RFX2: variants seen among roughly 807,000 people sequenced by gnomAD.
RFX2 encodes the protein DNA-binding protein RFX2.
In RFX2, 20 loss-of-function variants were observed where a neutral mutation model predicts 87.8. That is an observed-to-expected ratio of 0.23 (90% CI 0.16 to 0.33). RFX2 has a LOEUF of 0.33. Among genes scored for constraint, RFX2 ranks in the 10% least tolerant of loss-of-function variants. The pLI is 1.00. For missense variants in RFX2, 767 were observed against 1,012.3 expected (o/e 0.76, Z 3.29); for synonymous variants, 397 against 431.3 (o/e 0.92, Z 0.98).
chr19:6,092,113 G>C (rs1422931183), intron 1 of RFX2, among the ~76,000 whole-genome samples: 1 of 152,214 alleles, frequency 6.6e-6, no homozygotes, highest in Non-Finnish European at 1.5e-5. Flanking sequence ...TAGGAGAAAA[G>C]CTCAGATTAA....
rs1391637067 is a variant in RFX2, at chr19:6,016,946, A to G, written c.598-675T>C. 6.6e-6 allele frequency among the ~76,000 whole-genome samples: 1 copy of G among 152,230 alleles called. No homozygotes were observed. The highest frequency in any genetic ancestry group is 1.5e-5 in the Non-Finnish European group (1 of 68,044). On this transcript the variant is annotated intron_variant, in intron 6 of 17. Transcript: ENST00000303657. The surrounding 1 kb of genome is among the most constrained non-coding windows in gnomAD (Gnocchi z 5.4). The stretch of plus-strand genomic sequence containing the variant: ...GAATGGAGAGAAATTCTGTTGCTGA[A>G]CAGGAAGATTGAAGAAGACTCGGGG...
In RFX2 at chr19:6,020,336, A is replaced by G. The variant is rs1289333927; in HGVS notation, c.598-4065T>C. 1.3e-5 allele frequency: 2 copies of G among 152,236 alleles called. No individual in the cohort carries two copies. Among genetic ancestry groups the G allele is most frequent in the Admixed American group, 1.3e-4 (2 of 15,276 alleles). The allele number at this position is 152,236 out of a possible 1,614,324, so 9.4% of individuals were successfully genotyped here. A position where few individuals can be genotyped will look rare whatever the true frequency, so the allele number is the denominator to read the frequency against. ...CTTGGGTAATTACGTTGACATTGACACTAAAAGGATGCATAGTTGTCTTGA... is the reference window on the plus strand; with the variant it reads ...CTTGGGTAATTACGTTGACATTGACGCTAAAAGGATGCATAGTTGTCTTGA... On this transcript the variant is annotated intron_variant, in intron 6 of 17. Transcript: ENST00000303657. The surrounding 1 kb of genome is among the most constrained non-coding windows in gnomAD (Gnocchi z 5.3).
At chr19:6,077,631 G>A (rs567644126) in intron 1 of RFX2, among the ~76,000 whole-genome samples, 60 of 152,310 alleles carry the variant, frequency 3.9e-4, no homozygotes, top group African/African-American at 1.4e-3. Context: ...TCACAGCAGC[G>A]TTGTCCTAAT....
intron 1 of RFX2, chr19:6,073,370 A>C: frequency 7.6e-7 from 1 of 1,309,620 alleles, no homozygotes; most frequent in East Asian, 2.4e-5. Flanking sequence ...CCTGGTCCCC[A>C]GCGTCAAGGA....
Position 5,999,878 on chromosome 19 carries a change from G to A in RFX2, c.1859+1937C>T, listed in dbSNP as rs1219119116. 6.6e-6 allele frequency among the ~76,000 whole-genome samples: 1 copy of A among 152,146 alleles called. No individual in the cohort carries two copies. Among genetic ancestry groups the A allele is most frequent in the Non-Finnish European group, 1.5e-5 (1 of 68,026 alleles). ...GGGGAAAGATGTTCCAGGCAAGGGG[G>A]GCAGGTGCAAAGGCCCTGAGGCAGC... On this transcript the variant is annotated intron_variant, in intron 15 of 17. Transcript: ENST00000303657. This position sits in a 1 kb window ranked among gnomAD's most constrained non-coding sequence, Gnocchi z 4.1.
In RFX2 at chr19:6,008,217, G is replaced by A. The variant is rs1163183899; in HGVS notation, c.1023C>T (p.Ser341=). The A allele has an allele frequency of 1.3e-6, 2 of 1,554,946 alleles. No homozygotes were observed. The highest frequency in any genetic ancestry group is 1.9e-5 in the Admixed American group (1 of 51,374). Residue 341 remains serine (S), a synonymous_variant, in exon 10 of 18, where the codon TCC becomes TCT. Transcript: ENST00000303657. The stretch of plus-strand genomic sequence containing the variant: ...GCGCTGGGAACTCGGGGAAGACGTG[G>A]GAGACATCTGGGGGAGGAACACGGG... ...SQHHQQYIDV[S]HVFPEFPAPD... is the part of the protein sequence containing the mutation.
chr19:6,108,381 G>C (rs970565269), intron 1 of RFX2, among the ~76,000 whole-genome samples: 2 of 152,178 alleles, frequency 1.3e-5, no homozygotes, highest in East Asian at 1.9e-4. Context: ...CCAGAAGGAC[G>C]GGAGGTAAGG....
chr19:6,093,629 C>G (rs2087977689), intron 1 of RFX2, among the ~76,000 whole-genome samples: 1 of 151,408 alleles, frequency 6.6e-6, no homozygotes, highest in Non-Finnish European at 1.5e-5. Flanking sequence ...AGCACAAACA[C>G]AGTAGAAAGT....
At position 6,001,779 on chromosome 19, in the gene RFX2, C is replaced by G; in HGVS notation, c.1859+36G>C. The G allele has an allele frequency of 6.5e-7, 1 of 1,542,560 alleles. No individual in the cohort carries two copies. Among genetic ancestry groups the G allele is most frequent in the Non-Finnish European group, 8.8e-7 (1 of 1,136,858 alleles). On this transcript the variant is annotated intron_variant, in intron 15 of 17. Transcript: ENST00000303657. This position sits in a 1 kb window ranked among gnomAD's most constrained non-coding sequence, Gnocchi z 5.6. ...AGAAGTTTCTCTCAGAGCCCCCCAC[C>G]CGCCAGAATTCTCTCGGAGGTCTGG...
At chr19:6,089,294 C>A (rs1369193042) in intron 1 of RFX2, among the ~76,000 whole-genome samples, 1 of 152,224 alleles carries the variant, frequency 6.6e-6, no homozygotes, top group African/African-American at 2.4e-5. Flanking sequence ...AAGACCAACA[C>A]TCCTGTCCTG....
rs755072052 is a variant in RFX2 at position 6,024,233 on chromosome 19, G to A, written c.597+1930C>T. 2.4e-4 allele frequency among the ~76,000 whole-genome samples: 36 copies of A among 152,210 alleles called. No individual in the cohort carries two copies. The highest frequency in any genetic ancestry group is 4.1e-4 in the Non-Finnish European group (28 of 68,024). The stretch of plus-strand genomic sequence containing the variant: ...TCAGGCTGAAGATGGCCTGATCCTT[G>A]CTGAATGGGGAATGGTATTCTGCAC... On this transcript the variant is annotated intron_variant, in intron 6 of 17. Coordinates refer to ENST00000303657, the MANE Select transcript of RFX2 (RefSeq NM_000635.4). The surrounding 1 kb of genome is among the most constrained non-coding windows in gnomAD (Gnocchi z 5.0).
Position 6,045,394 on chromosome 19 carries a change from G to A in RFX2, c.91-1112C>T, listed in dbSNP as rs946630796. Among the ~76,000 whole-genome samples, 2 of 152,166 alleles carry A rather than the reference G, an allele frequency of 1.3e-5. No homozygotes were observed. The highest frequency in any genetic ancestry group is 3.2e-3 in the Middle Eastern group (1 of 316). On this transcript the variant is annotated intron_variant, in intron 2 of 17. Transcript: ENST00000303657. This position sits in a 1 kb window ranked among gnomAD's most constrained non-coding sequence, Gnocchi z 5.2. ...TGCAGAGGAAGGCAGAGTCCACCTAGGCCTGGGAGAGCCTGAGAGAGGGGC... is the reference window on the plus strand; with the variant it reads ...TGCAGAGGAAGGCAGAGTCCACCTAAGCCTGGGAGAGCCTGAGAGAGGGGC...
chr19:6,055,988 C>T (rs2087333441), intron 1 of RFX2, among the ~76,000 whole-genome samples: 1 of 150,682 alleles, frequency 6.6e-6, no homozygotes, highest in South Asian at 2.1e-4. Context: ...TGGATTAAAA[C>T]TAAAGTTAAA....
intron 1 of RFX2, among the ~76,000 whole-genome samples, chr19:6,082,857 T>C (rs945511434): frequency 1.3e-5 from 2 of 152,210 alleles, no homozygotes; most frequent in Non-Finnish European, 2.9e-5. Context: ...AGAGCCATGC[T>C]AGAGCCTGGG....
intron 1 of RFX2, among the ~76,000 whole-genome samples, chr19:6,088,313 G>A (rs1599923227): frequency 7.3e-6 from 1 of 136,834 alleles, no homozygotes; most frequent in African/African-American, 2.8e-5. Flanking sequence ...TCCGCCTCCC[G>A]CGATTCTCCT....
chr19:6,030,613 G>C (rs2086942897), intron 5 of RFX2, among the ~76,000 whole-genome samples: 1 of 152,198 alleles, frequency 6.6e-6, no homozygotes, highest in Non-Finnish European at 1.5e-5. Context: ...ACAATGGAGA[G>C]TGGCTGCTAG....
rs769822837 is a variant in RFX2 at position 6,002,842 on chromosome 19, G to T, written c.1529C>A (p.Thr510Lys). Residue 510 changes from threonine to lysine, a missense_variant, in exon 14 of 18, where the codon ACG becomes AAG. Thr to Lys is a moderately conservative substitution (Grantham distance 78). This residue lies in a region of RFX2 where 621 missense variants were observed against 873.0 expected (regional missense o/e 0.71). Coordinates refer to ENST00000303657, the MANE Select transcript of RFX2 (RefSeq NM_000635.4). The surrounding 1 kb of genome is among the most constrained non-coding windows in gnomAD (Gnocchi z 6.7). ...GTTGAGGGACGTGTAGCGCCGCAGCGTCTGGGCGAAGGCACTGACGACGCC... is the reference window on the plus strand; with the variant it reads ...GTTGAGGGACGTGTAGCGCCGCAGCTTCTGGGCGAAGGCACTGACGACGCC... ...KVGVVSAFAQ[T>K]LRRYTSLNHL... 6.2e-7 allele frequency: 1 copy of T among 1,611,386 alleles called. No homozygotes were observed. Among genetic ancestry groups the T allele is most frequent in the African/African-American group, 1.3e-5 (1 of 74,918 alleles).
intron 1 of RFX2, chr19:6,068,542 C>G (rs574937): frequency 0.47 from 71,201 of 152,030 alleles, 19,172 homozygotes; most frequent in African/African-American, 0.75. Context: ...ATTTTTAAAG[C>G]GTTGTCAAAT....
intron 5 of RFX2, among the ~76,000 whole-genome samples, chr19:6,038,184 G>A (rs556377675): frequency 2.5e-4 from 38 of 151,918 alleles, no homozygotes; most frequent in African/African-American, 7.2e-4. Context: ...AAAACTAGCC[G>A]GGTGTGGTGG....
Sources: gnomAD v4.1 joint callset for allele counts (sites outside exome capture counted in the v4.1 genomes callset) on GRCh38, gnomAD v4.1.1 for gene constraint, gnomAD v4.1.1 regional missense constraint, Gnocchi (gnomAD v3.1) non-coding constraint, MANE v1.5 for transcripts, NCBI Gene and HGNC (gene_info 2026-07-23, HGNC 2026-07-21) for gene names.